The following SYTL2 variants were observed in gnomAD, a reference collection of about 807,000 sequenced individuals.
SYTL2 encodes synaptotagmin like 2.
A neutral mutation model predicts 198.7 loss-of-function variants in SYTL2; 165 were observed. The ratio of observed to expected loss-of-function variants is 0.83; its 90% CI spans 0.73 to 0.94. SYTL2 has a LOEUF of 0.94. Ranked by LOEUF, SYTL2 falls within the 40% of genes least tolerant of loss-of-function variation. The probability of loss-of-function intolerance (pLI) is 0.00; values close to 1 mark genes in which losing one functional copy is unlikely to be tolerated. For synonymous variants in SYTL2, 966 were observed against 917.7 expected (o/e 1.05, Z -0.95); for missense variants, 2,835 against 2,582.8 (o/e 1.10, Z -2.12).
intron 1 of SYTL2, among the ~76,000 whole-genome samples, chr11:85,806,411 T>C (rs1200410877): frequency 6.6e-6 from 1 of 152,236 alleles, no homozygotes; most frequent in Non-Finnish European, 1.5e-5. Context: ...GCAAAAATAC[T>C]GTATGTAGTG....
chr11:85,803,744 G>A (rs1043214087), intron 1 of SYTL2, among the ~76,000 whole-genome samples: 1 of 152,204 alleles, frequency 6.6e-6, no homozygotes, highest in Non-Finnish European at 1.5e-5. Context: ...AAAGTAACCT[G>A]GGATCAATTG....
chr11:85,801,822 CTTTTT>C (rs1289583115), intron 1 of SYTL2, among the ~76,000 whole-genome samples: 2 of 137,470 alleles, frequency 1.5e-5, no homozygotes, highest in African/African-American at 5.3e-5. Flanking sequence ...CTTCCCCGTT[CTTTTT>C]TTTTTTTTTT....
At chr11:85,812,611 C>T (rs2093049474), upstream of SYTL2, among the ~76,000 whole-genome samples, 1 of 152,162 alleles carries the variant, frequency 6.6e-6, no homozygotes, top group Admixed American at 6.5e-5. Flanking sequence ...ACAAATGTGA[C>T]CAAGGTAGGT....
rs953276238 is a variant in SYTL2 at position 85,703,899 on chromosome 11, T to C, written c.6189+959A>G. On this transcript the variant is annotated intron_variant, in intron 16 of 19. Coordinates refer to ENST00000359152, the MANE Select transcript of SYTL2 (RefSeq NM_206927.4). ...ATTACAGTTTGAATTCAAGGGTGCA[T>C]ATTATAATCTCTACAGGAACTAATA... is the stretch of plus-strand genomic sequence containing the variant. Among the ~76,000 whole-genome samples the C allele has an allele frequency of 6.6e-5, 10 of 152,114 alleles. 1 individual carries two copies. Among genetic ancestry groups the C allele is most frequent in the African/African-American group, 2.4e-4 (10 of 41,434 alleles).
chr11:85,700,659 T>A, intron 16 of SYTL2, 66 bp from the exon 17 acceptor site: 1 of 1,189,826 alleles, frequency 8.4e-7, no homozygotes, highest in South Asian at 1.2e-5. Flanking sequence ...GGTATAGGTC[T>A]CATTACAGAA....
intron 1 of SYTL2, among the ~76,000 whole-genome samples, chr11:85,806,506 C>G (rs75184229): frequency 0.037 from 5,656 of 152,288 alleles, 178 homozygotes; most frequent in East Asian, 0.11. Context: ...TTCTGTCAAC[C>G]TACCTTCCCC....
intron 12 of SYTL2, 48 bp downstream of exon 12, chr11:85,714,365 T>C: frequency 6.8e-7 from 1 of 1,475,396 alleles, no homozygotes; most frequent in Non-Finnish European, 9.5e-7. Context: ...GCATAGCAAT[T>C]CCAACCCTCT....
At chr11:85,843,390 A>G in the SYTL2 span, among the ~76,000 whole-genome samples, 2 of 152,264 alleles carry the variant, frequency 1.3e-5, no homozygotes, top group East Asian at 1.9e-4. Context: ...AAAATAAAAA[A>G]TAACAGTCTA....
chr11:85,725,964 A>G lies in SYTL2; in HGVS notation c.3394T>C (p.Phe1132Leu), dbSNP rs116662107. 4 of 1,614,182 alleles carry G rather than the reference A, an allele frequency of 2.5e-6. No homozygotes were observed. The East Asian group carries it at 8.9e-5, about 36-fold the overall frequency. Residue 1132 changes from phenylalanine to leucine, a missense_variant, in exon 8 of 20, where the codon TTT (phenylalanine) becomes CTT (leucine). Coordinates refer to ENST00000359152, the MANE Select transcript of SYTL2 (RefSeq NM_206927.4). The part of the protein sequence containing the change: ...NVLSKDCKDT[F>L]NDSLQKLLSE... ...AGCAGTTTCTGCAAGCTGTCATTAA[A>G]AGTGTCTTTGCAGTCTTTAGACAAA...
At chr11:85,768,755 A>G (rs997598646) in intron 1 of SYTL2, among the ~76,000 whole-genome samples, 2 of 152,140 alleles carry the variant, frequency 1.3e-5, no homozygotes, top group African/African-American at 4.8e-5. Context: ...GGTTTTTTAA[A>G]TCTTCTAAAT....
intron 1 of SYTL2, among the ~76,000 whole-genome samples, chr11:85,808,207 C>T (rs912001378): frequency 7.2e-5 from 11 of 152,058 alleles, no homozygotes; most frequent in African/African-American, 2.7e-4. Context: ...GCTGGGACTA[C>T]AGGCGCATGC....
Position 85,796,276 on chromosome 11 carries a change from G to T in SYTL2, c.-390+14678C>A, listed in dbSNP as rs146245169. On this transcript the variant is annotated intron_variant, in intron 1 of 19. Coordinates refer to ENST00000359152, the MANE Select transcript of SYTL2 (RefSeq NM_206927.4). ...CAAATTTCTACCTTTGAAGATCTTT[G>T]TAAGAATTAAAAGGATGATTCACGT... Among the ~76,000 whole-genome samples, 226 of 152,182 alleles carry T rather than the reference G, an allele frequency of 1.5e-3. 3 individuals are homozygous for T. The East Asian group carries it at 0.038, about 26-fold the overall frequency.
In SYTL2 at chr11:85,709,371, C is replaced by T. The variant is rs747321406; in HGVS notation, c.5875G>A (p.Asp1959Asn). The T allele has an allele frequency of 1.2e-6, 2 of 1,614,132 alleles. No individual in the cohort carries two copies. Among genetic ancestry groups the T allele is most frequent in the Admixed American group, 1.7e-5 (1 of 60,026 alleles). Reference sequence around the variant, plus strand: ...TTTTTTACATCCGCTGCTGCTAAGTCCTTACACTGGGCCACAAAAACATGC... The same window carrying T: ...TTTTTTACATCCGCTGCTGCTAAGTTCTTACACTGGGCCACAAAAACATGC... ...ELHVFVAQCK[D>N]LAAADVKKQR... The change falls in exon 14 of 20, where the codon GAC becomes AAC. Residue 1959 changes from aspartate (D) to asparagine (N), a missense_variant. Physicochemically the swap from Asp to Asn is conservative, Grantham distance 23 (BLOSUM62 1). Coordinates refer to ENST00000359152, the MANE Select transcript of SYTL2 (RefSeq NM_206927.4).
intron 1 of SYTL2, among the ~76,000 whole-genome samples, chr11:85,759,222 G>A (rs1286820627): frequency 1.3e-5 from 2 of 149,768 alleles, no homozygotes; most frequent in African/African-American, 4.9e-5. Context: ...CTCCAGCCTG[G>A]GTGACAGAGT....
the SYTL2 span, among the ~76,000 whole-genome samples, chr11:85,845,597 T>C: frequency 6.6e-6 from 1 of 151,192 alleles, no homozygotes; most frequent in Non-Finnish European, 1.5e-5. Flanking sequence ...ACCTGGTCTC[T>C]ACAAAAAAAA....
At chr11:85,704,345 T>G (rs2084798364) in intron 16 of SYTL2, among the ~76,000 whole-genome samples, 1 of 152,066 alleles carries the variant, frequency 6.6e-6, no homozygotes, top group South Asian at 2.1e-4. Context: ...ACAATTACAG[T>G]TGTATGTATA....
At chr11:85,764,396 G>A (rs1453294977) in intron 1 of SYTL2, among the ~76,000 whole-genome samples, 1 of 152,186 alleles carries the variant, frequency 6.6e-6, no homozygotes, top group African/African-American at 2.4e-5. Flanking sequence ...CCATGGAAGA[G>A]AACACTGGCG....
chr11:85,787,473 T>G (rs2092653494), intron 1 of SYTL2, among the ~76,000 whole-genome samples: 1 of 152,108 alleles, frequency 6.6e-6, no homozygotes, highest in Non-Finnish European at 1.5e-5. Flanking sequence ...AGATCAAACT[T>G]TGCTTACATT....
chr11:85,716,661 T>G, intron 11 of SYTL2: 1 of 148,864 alleles, frequency 6.7e-6, no homozygotes, highest in Non-Finnish European at 1.5e-5. Context: ...CTAGGGTTTA[T>G]GAAACAGAGT....
Sources: gnomAD v4.1 joint callset for allele counts (sites outside exome capture counted in the v4.1 genomes callset) on GRCh38, gnomAD v4.1.1 for gene constraint, MANE v1.5 for transcripts, NCBI Gene and HGNC (gene_info 2026-07-23, HGNC 2026-07-21) for gene names.